ADGRA3: variants seen among roughly 807,000 people sequenced by gnomAD.
ADGRA3 encodes the protein adhesion G protein-coupled receptor A3, also known as G-protein coupled receptor 125.
In ADGRA3, 56 loss-of-function variants were observed where a neutral mutation model predicts 119.8. That is an observed-to-expected ratio of 0.47 (90% CI 0.38 to 0.58). The LOEUF (loss-of-function observed/expected upper bound fraction) is 0.58. Ranked by LOEUF, ADGRA3 falls within the 20% of genes least tolerant of loss-of-function variation. The pLI, the probability that ADGRA3 is intolerant of heterozygous loss-of-function variation, is 0.00. For missense variants in ADGRA3, 1,516 were observed against 1,649.0 expected (o/e 0.92, Z 1.40); for synonymous variants, 607 against 623.8 (o/e 0.97, Z 0.40).
intron 1 of ADGRA3, among the ~76,000 whole-genome samples, chr4:22,483,868 G>A (rs1718331428): frequency 6.6e-6 from 1 of 152,202 alleles, no homozygotes; most frequent in Non-Finnish European, 1.5e-5. Flanking sequence ...AAGTTGAGGA[G>A]AGGCTGGAGG....
At chr4:22,422,405 G>A (rs533899374) in intron 11 of ADGRA3, among the ~76,000 whole-genome samples, 3 of 152,144 alleles carry the variant, frequency 2.0e-5, no homozygotes, top group Non-Finnish European at 4.4e-5. Context: ...CAAGCATAAA[G>A]AATCTTTGTA....
intron 10 of ADGRA3, 69 bp from the exon 11 acceptor site, chr4:22,424,421 T>C (rs534174806): frequency 6.5e-7 from 1 of 1,527,016 alleles, no homozygotes; most frequent in African/African-American, 1.4e-5. Flanking sequence ...AGAATCAAAA[T>C]CCTAATGGAC....
chr4:22,413,125 T>C (rs568414776), intron 14 of ADGRA3, 57 bp downstream of exon 14: 2 of 1,291,264 alleles, frequency 1.5e-6, no homozygotes, highest in East Asian at 2.3e-5. Flanking sequence ...TTGAGCTTAA[T>C]TATGCATAGC....
intron 4 of ADGRA3, among the ~76,000 whole-genome samples, chr4:22,451,154 CAT>C (rs963248565): frequency 9.6e-4 from 146 of 151,326 alleles, no homozygotes; most frequent in African/African-American, 2.3e-3. Context: ...AATATATACA[CAT>C]GTTTTCATAT....
intron 1 of ADGRA3, among the ~76,000 whole-genome samples, chr4:22,498,235 G>A (rs760980505): frequency 6.2e-5 from 8 of 128,306 alleles, no homozygotes; most frequent in Non-Finnish European, 1.1e-4. Flanking sequence ...CAACAAAAGC[G>A]AAACGAGTTT....
chr4:22,451,610 C>T (rs964547), intron 4 of ADGRA3, among the ~76,000 whole-genome samples: 125,533 of 149,444 alleles, frequency 0.84, 53,901 homozygotes, highest in Non-Finnish European at 0.94. Flanking sequence ...GTTGTTTTTT[C>T]TAAAAAAAAA....
intron 14 of ADGRA3, 46 bp from the exon 15 acceptor site, chr4:22,402,845 A>G: frequency 6.4e-7 from 1 of 1,564,484 alleles, no homozygotes; most frequent in Non-Finnish European, 8.6e-7. Flanking sequence ...TTCTCTCCAC[A>G]TTTAACTACT....
At chr4:22,433,088 C>T (rs1337957876) in intron 10 of ADGRA3, among the ~76,000 whole-genome samples, 1 of 152,144 alleles carries the variant, frequency 6.6e-6, no homozygotes. Context: ...AACTGTATGT[C>T]AGTCACTGCA....
chr4:22,510,593 C>T (rs560024166), intron 1 of ADGRA3, among the ~76,000 whole-genome samples: 45 of 152,176 alleles, frequency 3.0e-4, no homozygotes, highest in African/African-American at 9.4e-4. Context: ...ACATACGGGC[C>T]GGGCCGATGG....
intron 14 of ADGRA3, 74 bp from the exon 15 acceptor site, chr4:22,402,873 C>A: frequency 1.4e-6 from 2 of 1,413,140 alleles, no homozygotes; most frequent in Non-Finnish European, 1.9e-6. Context: ...TTTTGAGTGA[C>A]GAAAACACAT....
At chr4:22,424,515 T>C (rs1715853344) in intron 10 of ADGRA3, among the ~76,000 whole-genome samples, 163 bp from the exon 11 acceptor site, 4 of 152,222 alleles carry the variant, frequency 2.6e-5, no homozygotes, top group African/African-American at 9.6e-5. Flanking sequence ...TCTTCAGATA[T>C]GAACAGTTAT....
chr4:22,505,171 A>T (rs1279067233), intron 1 of ADGRA3, among the ~76,000 whole-genome samples: 1 of 152,144 alleles, frequency 6.6e-6, no homozygotes, highest in Non-Finnish European at 1.5e-5. Context: ...AATAATGCAG[A>T]TGACTGTGTG....
At chr4:22,494,479 C>T (rs61793377) in intron 1 of ADGRA3, among the ~76,000 whole-genome samples, 11,395 of 151,986 alleles carry the variant, frequency 0.075, 543 homozygotes, top group East Asian at 0.11. Flanking sequence ...CTTTACTCCA[C>T]GGACTCATCC....
rs1489199732 is a variant in ADGRA3 at position 22,465,366 on chromosome 4, G to A, written c.330-3558C>T. Among the ~76,000 whole-genome samples, 6 of 152,086 alleles carry A rather than the reference G, an allele frequency of 3.9e-5. No homozygotes were observed. In the South Asian group the frequency reaches 6.2e-4, roughly 16 times the overall value. On this transcript the variant is annotated intron_variant, in intron 2 of 18. Coordinates refer to ENST00000334304, the MANE Select transcript of ADGRA3 (RefSeq NM_145290.4). The stretch of plus-strand genomic sequence containing the variant: ...CTGGTCTTAGCAATTATACGACTTT[G>A]GTCTAACTAAACCTAGGACTTGTGG...
At chr4:22,417,450 T>C (rs1313606397) in intron 12 of ADGRA3, among the ~76,000 whole-genome samples, 1 of 152,194 alleles carries the variant, frequency 6.6e-6, no homozygotes, top group Non-Finnish European at 1.5e-5. Context: ...GTGGTGAATG[T>C]CTACATATTT....
At chr4:22,432,116 T>C (rs937418036) in intron 10 of ADGRA3, among the ~76,000 whole-genome samples, 1 of 152,018 alleles carries the variant, frequency 6.6e-6, no homozygotes, top group African/African-American at 2.4e-5. Flanking sequence ...AAAAAGTTCT[T>C]AAAAAGTTAA....
At chr4:22,398,835 T>C (rs1211963268) in intron 16 of ADGRA3, among the ~76,000 whole-genome samples, 2 of 152,204 alleles carry the variant, frequency 1.3e-5, no homozygotes, top group Admixed American at 1.3e-4. Context: ...TGCATAGTGC[T>C]GCAATGAATA....
At chr4:22,424,416 C>A in intron 10 of ADGRA3, 64 bp from the exon 11 acceptor site, 2 of 1,541,620 alleles carry the variant, frequency 1.3e-6, no homozygotes, top group South Asian at 2.5e-5. Context: ...TTCGTAGAAT[C>A]AAAATCCTAA....
intron 3 of ADGRA3, 96 bp from the exon 4 acceptor site, chr4:22,455,033 C>T: frequency 1.2e-6 from 1 of 808,674 alleles, no homozygotes; most frequent in South Asian, 1.4e-5. Context: ...AGGTATCGCA[C>T]AAGACCTTTA....
Sources: allele counts gnomAD v4.1 joint callset (sites outside exome capture counted in the v4.1 genomes callset), GRCh38; gene constraint gnomAD v4.1.1; transcripts MANE v1.5; gene names NCBI Gene and HGNC (gene_info 2026-07-23, HGNC 2026-07-21).